RARB: variants seen among roughly 807,000 people sequenced by gnomAD.
RARB encodes HBV-activated protein.
RARB carries 17 observed loss-of-function variants against 51.9 expected under a neutral mutation model. The ratio of observed to expected loss-of-function variants is 0.33; its 90% CI spans 0.22 to 0.49. The LOEUF (loss-of-function observed/expected upper bound fraction) is 0.49. Ranked by LOEUF, RARB falls within the 20% of genes least tolerant of loss-of-function variation. RARB has a pLI of 0.99. For synonymous variants in RARB, 215 were observed against 195.4 expected (o/e 1.10, Z -0.84); for missense variants, 369 against 550.8 (o/e 0.67, Z 3.30).
intron 1 of RARB, chr3:25,441,427 C>A: frequency 5.2e-6 from 1 of 192,480 alleles, no homozygotes; most frequent in South Asian, 8.8e-5. Flanking sequence ...TGAGGTTTCT[C>A]CACCCCGCCA....
intron 5 of RARB, among the ~76,000 whole-genome samples, chr3:25,264,412 C>A (rs934586443): frequency 6.6e-6 from 1 of 152,098 alleles, no homozygotes; most frequent in African/African-American, 2.4e-5. Context: ...CCAGCAAAAC[C>A]TTGAACAATG....
intron 5 of RARB, among the ~76,000 whole-genome samples, chr3:25,284,916 T>A (rs1703612951): frequency 6.6e-6 from 1 of 152,084 alleles, no homozygotes; most frequent in Admixed American, 6.5e-5. Flanking sequence ...TATGTGAGAG[T>A]CCTGGAAGCA....
chr3:25,296,612 G>A lies in RARB; in HGVS notation c.178+122037G>A, dbSNP rs190627680. Among the ~76,000 whole-genome samples the A allele has an allele frequency of 6.0e-3, 908 of 152,248 alleles. 8 individuals are homozygous for A. Among genetic ancestry groups the A allele is most frequent in the Non-Finnish European group, 7.8e-3 (534 of 68,030 alleles). ...ATTATTCAGTGGTAAAGGTCTGGCA[G>A]AGAAAGAATGAAATTATCTGGATTA... On this transcript the variant is annotated intron_variant, in intron 5 of 11. Coordinates refer to the RARB transcript ENST00000383772.
At chr3:25,426,655 A>T (rs1708001042), upstream of RARB, among the ~76,000 whole-genome samples, 1 of 152,194 alleles carries the variant, frequency 6.6e-6, no homozygotes, top group Non-Finnish European at 1.5e-5. Flanking sequence ...CTGCCTAACC[A>T]CTTGCCTGCC....
intron 3 of RARB, among the ~76,000 whole-genome samples, chr3:25,555,356 TG>T (rs1700015511): frequency 1.3e-5 from 2 of 152,198 alleles, no homozygotes; most frequent in Non-Finnish European, 2.9e-5. Context: ...CTCTCTTCCC[TG>T]CGTTGTTTTT....
At chr3:25,237,101 C>T (rs1035310296) in intron 5 of RARB, among the ~76,000 whole-genome samples, 2 of 150,572 alleles carry the variant, frequency 1.3e-5, no homozygotes, top group African/African-American at 5.0e-5. Context: ...TAATAAAGGT[C>T]TCCTTTTATC....
intron 3 of RARB, among the ~76,000 whole-genome samples, chr3:25,093,591 C>A (rs988541688): frequency 2.0e-5 from 3 of 152,296 alleles, no homozygotes; most frequent in South Asian, 2.1e-4. Context: ...TAGACATAAA[C>A]AATTACCTGC....
chr3:24,939,051 C>T (rs1041394939), intron 2 of RARB, among the ~76,000 whole-genome samples: 4 of 151,776 alleles, frequency 2.6e-5, no homozygotes, highest in Non-Finnish European at 5.9e-5. Context: ...GACGTGGTCT[C>T]AGCTCACTGC....
At chr3:25,239,226 C>G (rs1702374146) in intron 5 of RARB, among the ~76,000 whole-genome samples, 1 of 152,104 alleles carries the variant, frequency 6.6e-6, no homozygotes, top group Non-Finnish European at 1.5e-5. Flanking sequence ...GAATAGTTTG[C>G]AAATATTTTT....
rs192244990 is a variant in RARB at position 24,939,486 on chromosome 3, T to C, written c.-380+80734T>C. On this transcript the variant is annotated intron_variant, in intron 2 of 11. Coordinates refer to the RARB transcript ENST00000383772. The stretch of plus-strand genomic sequence containing the variant: ...GTACTTATTCTCTTGTATATTACAA[T>C]AAAGCCAGGCTCTTCTTTTATTTTG... Among the ~76,000 whole-genome samples, 60 of 152,310 alleles carry C rather than the reference T, an allele frequency of 3.9e-4. 1 individual carries two copies. The highest frequency in any genetic ancestry group is 1.4e-3 in the African/African-American group (59 of 41,576).
intron 7 of RARB, among the ~76,000 whole-genome samples, chr3:25,596,174 C>G (rs1701819031): frequency 6.6e-6 from 1 of 152,190 alleles, no homozygotes; most frequent in Non-Finnish European, 1.5e-5. Context: ...TTGCAATAAA[C>G]TAACACATGA....
At chr3:25,060,588 A>AT (rs1698528750) in intron 3 of RARB, among the ~76,000 whole-genome samples, 1 of 151,894 alleles carries the variant, frequency 6.6e-6, no homozygotes, top group Non-Finnish European at 1.5e-5. Context: ...ATAAAATGAG[A>AT]TTTATAAAAA....
At chr3:24,885,189 T>C (rs1703244781) in intron 2 of RARB, among the ~76,000 whole-genome samples, 1 of 152,100 alleles carries the variant, frequency 6.6e-6, no homozygotes, top group Non-Finnish European at 1.5e-5. Flanking sequence ...GGAGTTCGAC[T>C]CCTGGCCTTA....
At chr3:25,445,927 T>A (rs1007308221) in intron 1 of RARB, among the ~76,000 whole-genome samples, 1 of 152,234 alleles carries the variant, frequency 6.6e-6, no homozygotes, top group Non-Finnish European at 1.5e-5. Context: ...TTTCATTTTG[T>A]CTTATGGAGC....
At chr3:25,312,292 A>G (rs1704309709) in intron 5 of RARB, among the ~76,000 whole-genome samples, 1 of 152,232 alleles carries the variant, frequency 6.6e-6, no homozygotes, top group Non-Finnish European at 1.5e-5. Context: ...CTTTCAAAAC[A>G]CATTCATATT....
At chr3:25,205,051 C>T (rs1701502093) in intron 5 of RARB, among the ~76,000 whole-genome samples, 1 of 152,160 alleles carries the variant, frequency 6.6e-6, no homozygotes, top group Non-Finnish European at 1.5e-5. Flanking sequence ...GGCAGACCTC[C>T]TTGAGCTGTG....
chr3:24,965,404 A>G (rs1464913764), intron 2 of RARB, among the ~76,000 whole-genome samples: 3 of 152,166 alleles, frequency 2.0e-5, no homozygotes, highest in Non-Finnish European at 4.4e-5. Flanking sequence ...AGTCTATGGA[A>G]AAAGTAGGTA....
intron 2 of RARB, among the ~76,000 whole-genome samples, chr3:25,032,246 C>G (rs543112611): frequency 6.6e-6 from 1 of 152,278 alleles, no homozygotes; most frequent in African/African-American, 2.4e-5. Context: ...TCTTATTTAT[C>G]TTAATTAAGT....
At chr3:24,997,780 T>A (rs1697073846) in intron 2 of RARB, among the ~76,000 whole-genome samples, 2 of 152,214 alleles carry the variant, frequency 1.3e-5, no homozygotes, top group Admixed American at 1.3e-4. Context: ...ATAAATTTTT[T>A]AAATTCACTG....
Sources: allele counts gnomAD v4.1 joint callset (sites outside exome capture counted in the v4.1 genomes callset), GRCh38; gene constraint gnomAD v4.1.1; transcripts MANE v1.5; gene names NCBI Gene and HGNC (gene_info 2026-07-23, HGNC 2026-07-21).